Variants in EIF4G3 observed in about 807,000 individuals in gnomAD.
EIF4G3 encodes eIF-4-gamma 3.
In EIF4G3, 34 loss-of-function variants were observed where a neutral mutation model predicts 186.4. That is an observed-to-expected ratio of 0.18 (90% confidence interval 0.14 to 0.24). The LOEUF (loss-of-function observed/expected upper bound fraction) is 0.24, where lower values mean the gene tolerates loss of function less well. Ranked by LOEUF, EIF4G3 falls within the 10% of genes least tolerant of loss-of-function variation. The pLI is 1.00. For synonymous variants in EIF4G3, 673 were observed against 679.5 expected, an observed-to-expected ratio of 0.99 and a Z score of 0.15; for missense variants, 1,536 against 1,948.5, an observed-to-expected ratio of 0.79 and a Z score of 3.99.
chr1:20,849,373 A>G, intron 29 of EIF4G3, 42 bp downstream of exon 29: 1 of 1,130,486 alleles, frequency 8.8e-7, no homozygotes, highest in South Asian at 1.6e-5. Flanking sequence ...TATACTATCA[A>G]AGGACTTACT....
chr1:21,062,968 A>C (rs2095006600), intron 3 of EIF4G3, among the ~76,000 whole-genome samples: 1 of 152,330 alleles, frequency 6.6e-6, no homozygotes, highest in Admixed American at 6.5e-5. Context: ...CCACACAGCA[A>C]TCCAAACCAG....
chr1:20,972,104 A>G (rs2154565775), intron 11 of EIF4G3, among the ~76,000 whole-genome samples: 1 of 152,284 alleles, frequency 6.6e-6, no homozygotes, highest in Middle Eastern at 3.4e-3. Context: ...TTTTTCTGCC[A>G]TTTGACTTTT....
chr1:20,960,209 G>A (rs2096540218), intron 12 of EIF4G3, among the ~76,000 whole-genome samples: 1 of 152,004 alleles, frequency 6.6e-6, no homozygotes, highest in African/African-American at 2.4e-5. Flanking sequence ...GCTCATGCCT[G>A]TAATCCCAGC....
chr1:21,166,359 G>A (rs1391481994), intron 2 of EIF4G3, among the ~76,000 whole-genome samples: 1 of 152,008 alleles, frequency 6.6e-6, no homozygotes, highest in Non-Finnish European at 1.5e-5. Context: ...GAGCCCAGCA[G>A]GTCAAGGCTA....
At chr1:20,965,513 A>G (rs1470098087) in intron 12 of EIF4G3, among the ~76,000 whole-genome samples, 1 of 152,160 alleles carries the variant, frequency 6.6e-6, no homozygotes, top group Non-Finnish European at 1.5e-5. Context: ...TTATCTAGTT[A>G]GTAACTAATT....
At chr1:21,102,341 T>C (rs561579016) in intron 2 of EIF4G3, among the ~76,000 whole-genome samples, 3 of 152,250 alleles carry the variant, frequency 2.0e-5, no homozygotes, top group African/African-American at 4.8e-5. Context: ...GGGCCACAGA[T>C]TGCAAACCCT....
rs570549439 is a variant in EIF4G3, at chr1:21,169,446, C to T, written c.-272+6729G>A. On this transcript the variant is annotated intron_variant, in intron 2 of 36. Transcript: ENST00000602326. ...CTGGGAAACAGGGCAACACTCTCTC[C>T]CCCCAAAAAAATAAATAAATAAAAT... Among the ~76,000 whole-genome samples the T allele has an allele frequency of 2.6e-5, 4 of 151,978 alleles. No homozygotes were observed. The South Asian group carries it at 6.2e-4, about 24-fold the overall frequency.
intron 24 of EIF4G3, 139 bp downstream of exon 24, chr1:20,860,246 G>T: frequency 8.5e-7 from 1 of 1,182,482 alleles, no homozygotes. Context: ...CTCTTCAGGT[G>T]AAACTGCTTC....
intron 4 of EIF4G3, among the ~76,000 whole-genome samples, chr1:21,006,419 A>G (rs2085103051): frequency 6.6e-6 from 1 of 152,218 alleles, no homozygotes; most frequent in African/African-American, 2.4e-5. Flanking sequence ...GTCATCCCAA[A>G]TATTTACTTC....
intron 2 of EIF4G3, among the ~76,000 whole-genome samples, chr1:21,101,300 G>A (rs1390140394): frequency 2.6e-5 from 4 of 151,422 alleles, no homozygotes; most frequent in African/African-American, 9.7e-5. Flanking sequence ...GAGCACGGTG[G>A]CTCACGCCAG....
At chr1:21,008,244 A>C (rs1453228160) in intron 4 of EIF4G3, among the ~76,000 whole-genome samples, 1 of 152,254 alleles carries the variant, frequency 6.6e-6, no homozygotes, top group East Asian at 1.9e-4. Flanking sequence ...AATCAACAGC[A>C]TTAGCAGAAA....
At chr1:20,827,217 T>C (rs1039952549) in intron 32 of EIF4G3, among the ~76,000 whole-genome samples, 29 of 152,208 alleles carry the variant, frequency 1.9e-4, no homozygotes, top group African/African-American at 6.5e-4. Context: ...TTTCACTCTT[T>C]TGAAATTATT....
At chr1:21,171,961 CGAGATGCACT>C (rs982849223) in intron 2 of EIF4G3, among the ~76,000 whole-genome samples, 20 of 152,100 alleles carry the variant, frequency 1.3e-4, no homozygotes, top group African/African-American at 4.6e-4. Flanking sequence ...AAGGATATTA[CGAGATGCACT>C]GGGAAGGAGA....
intron 4 of EIF4G3, chr1:21,003,753 A>T: frequency 2.2e-6 from 1 of 453,662 alleles, no homozygotes; most frequent in Non-Finnish European, 4.3e-6. Context: ...GAGGTTCACA[A>T]CAATTTTCCC....
intron 14 of EIF4G3, among the ~76,000 whole-genome samples, chr1:20,930,371 G>C (rs2095249989): frequency 6.6e-6 from 1 of 152,178 alleles, no homozygotes; most frequent in South Asian, 2.1e-4. Flanking sequence ...CCCTTCCGCT[G>C]TTTTATCAAC....
In EIF4G3 at chr1:21,057,767, T is replaced by C. The variant is rs116420024; in HGVS notation, c.-195-6773A>G. Among the ~76,000 whole-genome samples, 776 of 152,268 alleles carry C rather than the reference T, an allele frequency of 5.1e-3. 7 individuals are homozygous for C. The highest frequency in any genetic ancestry group is 0.018 in the African/African-American group (745 of 41,542). ...GATAAAATATCACTTACATTGGTAT[T>C]ATACTGTTACTCTGCATAGAAGAAA... On this transcript the variant is annotated intron_variant, in intron 3 of 36. Coordinates refer to ENST00000602326, the MANE Select transcript of EIF4G3 (RefSeq NM_001391906.1).
At chr1:21,005,805 AC>A (rs2084910493) in intron 4 of EIF4G3, among the ~76,000 whole-genome samples, 1 of 152,182 alleles carries the variant, frequency 6.6e-6, no homozygotes, top group South Asian at 2.1e-4. Context: ...ACTAAAAAAA[AC>A]AAAGAATTAT....
At chr1:20,877,683 T>C (rs1457743143) in intron 20 of EIF4G3, among the ~76,000 whole-genome samples, 1 of 152,218 alleles carries the variant, frequency 6.6e-6, no homozygotes, top group Non-Finnish European at 1.5e-5. Flanking sequence ...CTAGAAATTT[T>C]GTAATCTCAT....
At chr1:20,970,476 G>A (rs1184953431) in intron 11 of EIF4G3, among the ~76,000 whole-genome samples, 1 of 151,944 alleles carries the variant, frequency 6.6e-6, no homozygotes, top group Non-Finnish European at 1.5e-5. Context: ...AGCTGGGCGT[G>A]GTAGCACATG....
Sources: allele counts gnomAD v4.1 joint callset (sites outside exome capture counted in the v4.1 genomes callset), GRCh38; gene constraint gnomAD v4.1.1; transcripts MANE v1.5; gene names NCBI Gene and HGNC (gene_info 2026-07-23, HGNC 2026-07-21).